SLC24A3: variants seen among roughly 807,000 people sequenced by gnomAD.
SLC24A3 encodes the protein sodium/potassium/calcium exchanger 3.
SLC24A3 carries 28 observed loss-of-function variants against 75.8 expected under a neutral mutation model. The ratio of observed to expected loss-of-function variants is 0.37; its 90% CI spans 0.27 to 0.51. The LOEUF is 0.51. Among genes scored for constraint, SLC24A3 ranks in the 20% least tolerant of loss-of-function variants. The pLI is 0.94. For synonymous variants in SLC24A3, 372 were observed against 334.1 expected (o/e 1.11, Z -1.24); for missense variants, 663 against 847.8 (o/e 0.78, Z 2.71).
intron 6 of SLC24A3, among the ~76,000 whole-genome samples, chr20:19,635,306 A>G (rs1172000025): frequency 1.3e-5 from 2 of 152,218 alleles, no homozygotes; most frequent in Non-Finnish European, 2.9e-5. Flanking sequence ...GGAAATCCTT[A>G]AACTAAAACA....
At chr20:19,510,475 T>C (rs1435570276) in intron 2 of SLC24A3, among the ~76,000 whole-genome samples, 2 of 152,232 alleles carry the variant, frequency 1.3e-5, no homozygotes, top group Non-Finnish European at 2.9e-5. Flanking sequence ...CTTCAGTTCT[T>C]ATGCAAAGGA....
chr20:19,691,113 T>G (rs930397864), intron 12 of SLC24A3, among the ~76,000 whole-genome samples: 3 of 152,166 alleles, frequency 2.0e-5, no homozygotes, highest in African/African-American at 7.2e-5. Context: ...TGAGGGAGAC[T>G]GAAAATAAAT....
chr20:19,486,656 A>G (rs1328539118), intron 2 of SLC24A3, among the ~76,000 whole-genome samples: 2 of 152,078 alleles, frequency 1.3e-5, no homozygotes, highest in South Asian at 2.1e-4. Context: ...ACTGACCTCC[A>G]CTTCATGAGG....
chr20:19,390,633 G>A (rs534627661), intron 2 of SLC24A3, among the ~76,000 whole-genome samples: 3 of 152,304 alleles, frequency 2.0e-5, no homozygotes, highest in Admixed American at 2.0e-4. Context: ...TGGAGCTGTG[G>A]GGAGTGACCT....
At chr20:19,483,260 TACTA>T (rs1345471850) in intron 2 of SLC24A3, among the ~76,000 whole-genome samples, 1 of 152,302 alleles carries the variant, frequency 6.6e-6, no homozygotes, top group Non-Finnish European at 1.5e-5. Context: ...GGGAAGTTGA[TACTA>T]ACTAACAATA....
chr20:19,568,199 G>T (rs920126194), intron 3 of SLC24A3, among the ~76,000 whole-genome samples: 1 of 152,150 alleles, frequency 6.6e-6, no homozygotes, highest in African/African-American at 2.4e-5. Flanking sequence ...AATGCAAAAT[G>T]GTGCAGCTGC....
chr20:19,424,145 A>G (rs1986961037), intron 2 of SLC24A3, among the ~76,000 whole-genome samples: 1 of 152,290 alleles, frequency 6.6e-6, no homozygotes, highest in African/African-American at 2.4e-5. Context: ...TAAAGCTGAG[A>G]GATTAAGCAG....
At chr20:19,467,468 G>C (rs8125054) in intron 2 of SLC24A3, among the ~76,000 whole-genome samples, 3,676 of 152,206 alleles carry the variant, frequency 0.024, 143 homozygotes, top group African/African-American at 0.084. Context: ...ATTATCTAAG[G>C]GTAGATATGC....
intron 2 of SLC24A3, among the ~76,000 whole-genome samples, chr20:19,463,824 C>T (rs1197483283): frequency 1.3e-5 from 2 of 152,208 alleles, no homozygotes; most frequent in Non-Finnish European, 1.5e-5. Context: ...GCTGAGGCCT[C>T]TTGGGAAGGG....
chr20:19,234,172 G>A (rs1982103103), intron 1 of SLC24A3, among the ~76,000 whole-genome samples: 1 of 152,314 alleles, frequency 6.6e-6, no homozygotes. Context: ...ATAAACCCGT[G>A]TTTTTCAAAG....
rs566608224 is a variant in SLC24A3 at position 19,448,454 on chromosome 20, G to A, written c.272-67034G>A. On this transcript the variant is annotated intron_variant, in intron 2 of 16. Transcript: ENST00000328041. ...ATGGCTGATTCCAAATGCAAGCCTC[G>A]TCCGCCTGACTTCAACACCGTGTTT... 9.9e-5 allele frequency among the ~76,000 whole-genome samples: 15 copies of A among 152,220 alleles called. No homozygotes were observed. The South Asian group carries it at 2.7e-3, about 27-fold the overall frequency.
At chr20:19,670,347 G>A (rs2032452171) in intron 8 of SLC24A3, among the ~76,000 whole-genome samples, 1 of 152,174 alleles carries the variant, frequency 6.6e-6, no homozygotes, top group African/African-American at 2.4e-5. Context: ...GAGGAAGCCT[G>A]GTGAGCCCTG....
intron 2 of SLC24A3, among the ~76,000 whole-genome samples, chr20:19,327,970 C>T (rs543628536): frequency 1.1e-4 from 17 of 151,372 alleles, no homozygotes; most frequent in African/African-American, 4.1e-4. Context: ...AAAGTATGCT[C>T]GAAAGTGATA....
At chr20:19,413,737 G>T (rs1313273434) in intron 2 of SLC24A3, among the ~76,000 whole-genome samples, 1 of 152,166 alleles carries the variant, frequency 6.6e-6, no homozygotes, top group Non-Finnish European at 1.5e-5. Flanking sequence ...CCCCAGGACA[G>T]GAATATTTTA....
chr20:19,434,123 G>A (rs900026011), intron 2 of SLC24A3, among the ~76,000 whole-genome samples: 2 of 152,218 alleles, frequency 1.3e-5, no homozygotes, highest in Non-Finnish European at 2.9e-5. Flanking sequence ...ACACATCACT[G>A]AGCTGAAATG....
At chr20:19,663,009 G>A (rs2032348378) in intron 7 of SLC24A3, among the ~76,000 whole-genome samples, 1 of 152,160 alleles carries the variant, frequency 6.6e-6, no homozygotes, top group African/African-American at 2.4e-5. Context: ...AGCACTGAAT[G>A]TTCACAGGCA....
intron 2 of SLC24A3, among the ~76,000 whole-genome samples, chr20:19,444,369 T>C (rs1987346836): frequency 6.6e-6 from 1 of 152,346 alleles, no homozygotes; most frequent in East Asian, 1.9e-4. Flanking sequence ...GTATTCCCGC[T>C]GCTTCATCTT....
At chr20:19,399,589 A>ACT (rs1435094428) in intron 2 of SLC24A3, among the ~76,000 whole-genome samples, 2 of 152,186 alleles carry the variant, frequency 1.3e-5, no homozygotes, top group African/African-American at 4.8e-5. Flanking sequence ...GTATAATTCC[A>ACT]CTATGGACAG....
chr20:19,480,680 A>T (rs978909169), intron 2 of SLC24A3, among the ~76,000 whole-genome samples: 2 of 151,984 alleles, frequency 1.3e-5, no homozygotes, highest in Non-Finnish European at 2.9e-5. Context: ...CCTTATTCTC[A>T]TGGTTGGGAG....
Sources: gnomAD v4.1 joint callset for allele counts (sites outside exome capture counted in the v4.1 genomes callset) on GRCh38, gnomAD v4.1.1 for gene constraint, MANE v1.5 for transcripts, NCBI Gene and HGNC (gene_info 2026-07-23, HGNC 2026-07-21) for gene names.